The following ASTN2 variants were observed in gnomAD, a reference collection of about 807,000 sequenced individuals.
The protein encoded by ASTN2 is astrotactin-2.
ASTN2 carries 54 observed loss-of-function variants against 139.8 expected under a neutral mutation model. That is an observed-to-expected ratio of 0.39 (90% CI 0.31 to 0.48). The LOEUF (loss-of-function observed/expected upper bound fraction) is 0.48. Ranked by LOEUF, ASTN2 falls within the 20% of genes least tolerant of loss-of-function variation. The pLI, the probability that ASTN2 is intolerant of heterozygous loss-of-function variation, is 0.95. For missense variants in ASTN2, 1,565 were observed against 1,725.1 expected, an observed-to-expected ratio of 0.91 and a Z score of 1.64; for synonymous variants, 756 against 719.5, an observed-to-expected ratio of 1.05 and a Z score of -0.81.
chr9:117,245,341 G>A (rs904888516), intron 2 of ASTN2, among the ~76,000 whole-genome samples: 5 of 152,188 alleles, frequency 3.3e-5, no homozygotes, highest in Admixed American at 2.6e-4. Flanking sequence ...GCTGCCACAC[G>A]TCTTTTTTGA....
At chr9:116,525,221 G>C (rs1248498099) in intron 19 of ASTN2, among the ~76,000 whole-genome samples, 1 of 152,180 alleles carries the variant, frequency 6.6e-6, no homozygotes, top group Non-Finnish European at 1.5e-5. Flanking sequence ...GGGATCTGTG[G>C]AACTTTGAAC....
At chr9:116,522,469 T>C (rs1850917919) in intron 19 of ASTN2, among the ~76,000 whole-genome samples, 1 of 151,954 alleles carries the variant, frequency 6.6e-6, no homozygotes, top group African/African-American at 2.4e-5. Context: ...AGCTATGAGG[T>C]TGCAAAGGCA....
chr9:116,439,341 C>T (rs1564277736), intron 22 of ASTN2, among the ~76,000 whole-genome samples: 1 of 142,670 alleles, frequency 7.0e-6, no homozygotes, highest in East Asian at 2.3e-4. Context: ...GCTGGGACTA[C>T]AGGCGCCCGC....
At chr9:116,522,942 C>T (rs1158035528) in intron 19 of ASTN2, among the ~76,000 whole-genome samples, 3 of 152,146 alleles carry the variant, frequency 2.0e-5, no homozygotes, top group African/African-American at 7.2e-5. Flanking sequence ...AGAAATTCTA[C>T]GGCTATCATA....
At chr9:116,857,502 T>C (rs906405931) in intron 11 of ASTN2, among the ~76,000 whole-genome samples, 9 of 152,198 alleles carry the variant, frequency 5.9e-5, no homozygotes, top group Non-Finnish European at 8.8e-5. Context: ...TTCACAGTGC[T>C]GGATACAGGA....
intron 13 of ASTN2, among the ~76,000 whole-genome samples, chr9:116,776,572 A>G (rs1830093854): frequency 6.6e-6 from 1 of 152,092 alleles, no homozygotes; most frequent in Admixed American, 6.5e-5. Flanking sequence ...TTCTATATGT[A>G]AAATGGCCTT....
chr9:116,439,779 T>C (rs1390592822), intron 22 of ASTN2, among the ~76,000 whole-genome samples: 1 of 152,192 alleles, frequency 6.6e-6, no homozygotes, highest in East Asian at 1.9e-4. Context: ...TTGGGTGACC[T>C]AGACCAGATG....
At chr9:116,975,487 G>A (rs1359157646) in intron 9 of ASTN2, 142 bp from the exon 10 acceptor site, 29 of 794,466 alleles carry the variant, frequency 3.7e-5, no homozygotes, top group Non-Finnish European at 5.3e-5. Flanking sequence ...AACAATGTTG[G>A]CCAACTTTCT....
intron 2 of ASTN2, among the ~76,000 whole-genome samples, chr9:117,282,583 C>G (rs558667330): frequency 6.6e-6 from 1 of 152,198 alleles, no homozygotes; most frequent in Non-Finnish European, 1.5e-5. Context: ...GAATTGCACA[C>G]CCCTGCCATT....
At chr9:116,510,098 T>C (rs1185743215) in intron 19 of ASTN2, among the ~76,000 whole-genome samples, 1 of 152,172 alleles carries the variant, frequency 6.6e-6, no homozygotes, top group Non-Finnish European at 1.5e-5. Flanking sequence ...ATGTCCTGAA[T>C]GGTATTGCCT....
intron 10 of ASTN2, among the ~76,000 whole-genome samples, chr9:116,974,453 T>C (rs778224476): frequency 6.6e-6 from 1 of 151,240 alleles, no homozygotes; most frequent in Non-Finnish European, 1.5e-5. Context: ...TAATGTAAAG[T>C]GAAATGTAGT....
chr9:116,586,839 C>CACACACACACACACACACACAT (rs1854176044), intron 19 of ASTN2, among the ~76,000 whole-genome samples: 1 of 149,338 alleles, frequency 6.7e-6, no homozygotes, highest in African/African-American at 2.5e-5. Flanking sequence ...CATACACACA[C>CACACACACACACACACACACAT]ACACACACAC....
chr9:117,377,755 T>C lies in ASTN2; in HGVS notation c.442+36742A>G, dbSNP rs571019035. Among the ~76,000 whole-genome samples, 7 of 152,166 alleles carry C rather than the reference T, an allele frequency of 4.6e-5. No homozygotes were observed. In the South Asian group the frequency reaches 1.0e-3, roughly 23 times the overall value. ...AATTATAGTAATCAATACTACAGAA[T>C]AATGTCATTACAAATAATGATATGG... On this transcript the variant is annotated intron_variant, in intron 1 of 22. Transcript: ENST00000313400.
intron 5 of ASTN2, among the ~76,000 whole-genome samples, chr9:117,076,456 G>A (rs1213068144): frequency 6.6e-6 from 1 of 152,074 alleles, no homozygotes; most frequent in Admixed American, 6.6e-5. Flanking sequence ...AAAGTTTGAG[G>A]GGCAGAGAGT....
chr9:117,346,215 T>C (rs1328065145), intron 1 of ASTN2, among the ~76,000 whole-genome samples: 1 of 152,124 alleles, frequency 6.6e-6, no homozygotes, highest in African/African-American at 2.4e-5. Flanking sequence ...TTTTAGTTAC[T>C]TTTTTAAAAG....
chr9:117,123,633 T>C (rs1337807035), intron 4 of ASTN2, among the ~76,000 whole-genome samples: 4 of 152,172 alleles, frequency 2.6e-5, no homozygotes, highest in Non-Finnish European at 4.4e-5. Context: ...AGAGGCTGTA[T>C]TTCTACTGGC....
chr9:116,539,583 GAT>G (rs1291479463), intron 19 of ASTN2, among the ~76,000 whole-genome samples: 2 of 152,090 alleles, frequency 1.3e-5, no homozygotes, highest in African/African-American at 4.8e-5. Flanking sequence ...TTCCAGGGAG[GAT>G]ATGTTTTAAG....
intron 10 of ASTN2, among the ~76,000 whole-genome samples, chr9:116,875,580 C>A (rs2104535): frequency 0.35 from 52,925 of 152,072 alleles, 9,930 homozygotes; most frequent in East Asian, 0.53. Context: ...GTCCAACAAC[C>A]GATTTTCAAT....
intron 19 of ASTN2, among the ~76,000 whole-genome samples, chr9:116,555,148 C>T (rs905105802): frequency 3.3e-5 from 5 of 152,152 alleles, no homozygotes; most frequent in South Asian, 2.1e-4. Flanking sequence ...GAGAGAAAAA[C>T]GGGTCTATAG....
Sources: gnomAD v4.1 joint callset for allele counts (sites outside exome capture counted in the v4.1 genomes callset) on GRCh38, gnomAD v4.1.1 for gene constraint, MANE v1.5 for transcripts, NCBI Gene and HGNC (gene_info 2026-07-23, HGNC 2026-07-21) for gene names.